The following RASAL1 variants were observed in gnomAD, a reference collection of about 807,000 sequenced individuals.
The protein encoded by RASAL1 is rasGAP-activating-like protein 1.
In RASAL1, 72 loss-of-function variants were observed where a neutral mutation model predicts 96.6. The observed-to-expected ratio is 0.75, with a 90% CI of 0.62 to 0.91. RASAL1 has a LOEUF of 0.91. Ranked by LOEUF, RASAL1 falls within the 40% of genes least tolerant of loss-of-function variation. The probability of loss-of-function intolerance (pLI) is 0.00; values close to 1 mark genes in which losing one functional copy is unlikely to be tolerated. For missense variants in RASAL1, 1,016 were observed against 1,072.5 expected (o/e 0.95, Z 0.74); for synonymous variants, 405 against 430.4 (o/e 0.94, Z 0.73).
chr12:113,126,847 G>A (rs541357759), intron 4 of RASAL1, among the ~76,000 whole-genome samples: 20 of 151,618 alleles, frequency 1.3e-4, no homozygotes, highest in African/African-American at 3.1e-4. Context: ...CCTATAAAGT[G>A]GGCATTAATA....
intron 5 of RASAL1, among the ~76,000 whole-genome samples, chr12:113,121,167 A>T (rs1324046895): frequency 6.6e-6 from 1 of 152,172 alleles, no homozygotes; most frequent in African/African-American, 2.4e-5. Flanking sequence ...CTGAAGCTAC[A>T]TGTCAGTCAT....
rs1342682053 is a variant in RASAL1 at position 113,114,802 on chromosome 12, G to A, written c.1179C>T (p.Thr393=). The A allele has an allele frequency of 6.2e-7, 1 of 1,613,174 alleles. No individual in the cohort carries two copies. Among genetic ancestry groups the A allele is most frequent in the South Asian group, 1.1e-5 (1 of 91,046 alleles). Residue 393 remains threonine, a splice_region_variant and synonymous_variant, in exon 12 of 21, where the codon ACC becomes ACT. Coordinates refer to ENST00000548055, the MANE Select transcript of RASAL1 (RefSeq NM_001301202.2). ...CAGGGTCCTCAGGCTTTGCTCACCG[G>A]GTGCGGCCCAGGTCCATCTTGCAGG... ...LDPCKMDLGR[T]RRISFKGALS...
intron 4 of RASAL1, among the ~76,000 whole-genome samples, chr12:113,126,283 T>G (rs1951477580): frequency 6.6e-6 from 1 of 152,094 alleles, no homozygotes; most frequent in Non-Finnish European, 1.5e-5. Flanking sequence ...AGACTCCGTC[T>G]CAAAAATAAA....
At chr12:113,103,296 A>G (rs1358578025) in intron 18 of RASAL1, among the ~76,000 whole-genome samples, 1 of 150,810 alleles carries the variant, frequency 6.6e-6, no homozygotes, top group Non-Finnish European at 1.5e-5. Context: ...CATTGTTAAT[A>G]ACAATGTATA....
chr12:113,114,074 T>C (rs536574544), intron 12 of RASAL1, among the ~76,000 whole-genome samples: 3 of 152,344 alleles, frequency 2.0e-5, no homozygotes, highest in African/African-American at 7.2e-5. Context: ...AGCCCCACGT[T>C]TCAGGTGATA....
chr12:113,100,613 T>A lies in RASAL1; in HGVS notation c.2278+15A>T, dbSNP rs2136080748. The A allele has an allele frequency of 6.2e-7, 1 of 1,602,906 alleles. No individual in the cohort carries two copies. The highest frequency in any genetic ancestry group is 2.2e-5 in the East Asian group (1 of 44,658). ...TGCACCCAGCCTTTACCTTCTGAGG[T>A]ACAGGAGCCCTTACCTGTGTCTGCC... On this transcript the variant is annotated intron_variant, in intron 20 of 20. Transcript: ENST00000548055.
At chr12:113,118,983 C>A (rs1951185970) in intron 7 of RASAL1, 145 bp downstream of exon 7, 1 of 1,041,216 alleles carries the variant, frequency 9.6e-7, no homozygotes, top group Non-Finnish European at 1.4e-6. Context: ...AATGAAACTG[C>A]AACACTCAGG....
intron 1 of RASAL1, among the ~76,000 whole-genome samples, chr12:113,131,571 AC>A (rs1361170223): frequency 6.6e-6 from 1 of 152,180 alleles, no homozygotes; most frequent in Non-Finnish European, 1.5e-5. Context: ...AGACCAGGGA[AC>A]CCAGGCTTCA....
chr12:113,100,665 C>T lies in RASAL1; in HGVS notation c.2241G>A (p.Glu747=). Residue 747 remains glutamate (E), a synonymous_variant, in exon 20 of 21, where the codon GAG becomes GAA. Coordinates refer to ENST00000548055, the MANE Select transcript of RASAL1 (RefSeq NM_001301202.2). ...CCAGAGTTGTATCCATGTTAGAATC[C>T]TCCAGTAATTTCAGCCTGGAAGGTA... ...GRDQLRLKLL[E]DSNMDTTLEA... 6.2e-7 allele frequency: 1 copy of T among 1,609,892 alleles called. No individual in the cohort carries two copies. Among genetic ancestry groups the T allele is most frequent in the Non-Finnish European group, 8.5e-7 (1 of 1,176,820 alleles).
chr12:113,115,931 C>G lies in RASAL1; in HGVS notation c.849+3G>C. The G allele has an allele frequency of 1.9e-6, 3 of 1,589,524 alleles. No homozygotes were observed. In the Middle Eastern group the frequency reaches 5.0e-4, roughly 267 times the overall value. On this transcript the variant is annotated splice_donor_region_variant and intron_variant, in intron 9 of 20. Coordinates refer to ENST00000548055, the MANE Select transcript of RASAL1 (RefSeq NM_001301202.2). This position sits in a 1 kb window ranked among gnomAD's most constrained non-coding sequence, Gnocchi z 4.1. ...GATAGCATTGCTTGCCTGACGCACCCACCTCTGCTGGCCCCTGCACAGACT... is the reference window on the plus strand; with the variant it reads ...GATAGCATTGCTTGCCTGACGCACCGACCTCTGCTGGCCCCTGCACAGACT...
At chr12:113,110,223 G>A (rs1950818964) in intron 13 of RASAL1, among the ~76,000 whole-genome samples, 1 of 152,198 alleles carries the variant, frequency 6.6e-6, no homozygotes, top group Non-Finnish European at 1.5e-5. Flanking sequence ...GGGGGAGGAG[G>A]GGAGAGACCC....
rs563277206 is a variant in RASAL1, at chr12:113,118,350, C to G, written c.642+778G>C. Among the ~76,000 whole-genome samples, 4 of 152,326 alleles carry G rather than the reference C, an allele frequency of 2.6e-5. No individual in the cohort carries two copies. In the South Asian group the frequency reaches 6.2e-4, roughly 24 times the overall value. On this transcript the variant is annotated intron_variant, in intron 7 of 20. Coordinates refer to ENST00000548055, the MANE Select transcript of RASAL1 (RefSeq NM_001301202.2). ...AAATGAGGACTTACTGTACTTCATT[C>G]CTTTTTATGGCTGAATAATATTCCA...
chr12:113,115,415 G>A lies in RASAL1; in HGVS notation c.1004-151C>T. On this transcript the variant is annotated intron_variant, in intron 10 of 20. Transcript: ENST00000548055. The surrounding 1 kb of genome is among the most constrained non-coding windows in gnomAD (Gnocchi z 4.1). ...CATTCACAGTACAGAGGCCCGGAGT[G>A]GTTAAGTGAATTGCCTGAGGTCACA... 1 of 964,578 alleles carries A rather than the reference G, an allele frequency of 1.0e-6. No homozygotes were observed. Among genetic ancestry groups the A allele is most frequent in the Admixed American group, 2.3e-5 (1 of 44,438 alleles). The allele number at this position is 964,578 out of a possible 1,614,324, so 59.8% of individuals were successfully genotyped here.
chr12:113,106,025 T>C, intron 15 of RASAL1, 139 bp from the exon 16 acceptor site: 1 of 854,556 alleles, frequency 1.2e-6, no homozygotes, highest in Non-Finnish European at 1.8e-6. Flanking sequence ...ATGAGCGCGA[T>C]GACTTCAGAC....
chr12:113,111,132 C>T (rs1464620105), intron 13 of RASAL1, among the ~76,000 whole-genome samples: 1 of 152,168 alleles, frequency 6.6e-6, no homozygotes, highest in East Asian at 1.9e-4. Context: ...GCCTGAAACT[C>T]ACAGCATCTG....
chr12:113,125,817 T>A (rs1951459601), intron 4 of RASAL1, among the ~76,000 whole-genome samples: 1 of 152,230 alleles, frequency 6.6e-6, no homozygotes, highest in Admixed American at 6.5e-5. Flanking sequence ...ATTGTAGCAT[T>A]GCTTGAACCA....
chr12:113,128,066 C>T lies in RASAL1; in HGVS notation c.235G>A (p.Gly79Arg), dbSNP rs777375870. 4.3e-6 allele frequency: 7 copies of T among 1,613,586 alleles called. No homozygotes were observed. The highest frequency in any genetic ancestry group is 1.6e-4 in the Middle Eastern group (1 of 6,082). The change falls in exon 3 of 21, where the codon GGG (glycine) becomes AGG (arginine). Residue 79 changes from glycine to arginine, a missense_variant and splice_region_variant. By Grantham distance (125) the Gly-to-Arg change is moderately radical. Coordinates refer to ENST00000548055, the MANE Select transcript of RASAL1 (RefSeq NM_001301202.2). ...AFYVLDEDTV[G>R]HDDIIGKISL... ...ATTCCACTTTCCCCAACCACAAACC[C>T]GACAGTGTCCTCATCCAGCACGTAG...
intron 1 of RASAL1, among the ~76,000 whole-genome samples, chr12:113,133,827 C>G (rs1288573022): frequency 6.6e-6 from 1 of 152,228 alleles, no homozygotes; most frequent in Non-Finnish European, 1.5e-5. Flanking sequence ...TATTTCATAG[C>G]TCACTGGCCC....
At chr12:113,124,966 T>C (rs1366781420) in intron 4 of RASAL1, among the ~76,000 whole-genome samples, 1 of 152,164 alleles carries the variant, frequency 6.6e-6, no homozygotes, top group East Asian at 1.9e-4. Flanking sequence ...TGTTTTTTGT[T>C]TAATGCAATA....
Sources: allele counts gnomAD v4.1 joint callset (sites outside exome capture counted in the v4.1 genomes callset), GRCh38; gene constraint gnomAD v4.1.1; non-coding constraint Gnocchi (gnomAD v3.1); transcripts MANE v1.5; gene names NCBI Gene and HGNC (gene_info 2026-07-23, HGNC 2026-07-21).